The following CCDC60 variants were observed in gnomAD, a reference collection of about 807,000 sequenced individuals.
The protein encoded by CCDC60 is coiled-coil domain containing 60.
Under a neutral mutation model 63.5 loss-of-function variants are expected in CCDC60, and 54 were observed. The ratio of observed to expected loss-of-function variants is 0.85; its 90% CI spans 0.68 to 1.07. The LOEUF is 1.07. Among genes scored for constraint, CCDC60 ranks in the 50% least tolerant of loss-of-function variants. The pLI, the probability that CCDC60 is intolerant of heterozygous loss-of-function variation, is 0.00. For synonymous variants in CCDC60, 206 were observed against 238.8 expected (o/e 0.86, Z 1.27); for missense variants, 651 against 684.3 (o/e 0.95, Z 0.54).
At chr12:119,362,446 GTAACCAGTATTC>G (rs1485488559) in intron 1 of CCDC60, among the ~76,000 whole-genome samples, 1 of 152,046 alleles carries the variant, frequency 6.6e-6, no homozygotes, top group East Asian at 1.9e-4. Flanking sequence ...CACCACAGAT[GTAACCAGTATTC>G]TAACTTACAA....
At chr12:119,493,566 A>G (rs1951644300) in intron 5 of CCDC60, among the ~76,000 whole-genome samples, 1 of 152,168 alleles carries the variant, frequency 6.6e-6, no homozygotes, top group South Asian at 2.1e-4. Context: ...TCCCAATTTC[A>G]TCATGTGGCA....
chr12:119,491,520 G>T (rs970809713), intron 5 of CCDC60, among the ~76,000 whole-genome samples: 1 of 152,054 alleles, frequency 6.6e-6, no homozygotes, highest in Non-Finnish European at 1.5e-5. Flanking sequence ...AGTGGAGACA[G>T]GGTTTCACCA....
intron 2 of CCDC60, among the ~76,000 whole-genome samples, chr12:119,459,532 T>G (rs1232272334): frequency 6.6e-6 from 1 of 152,200 alleles, no homozygotes; most frequent in Non-Finnish European, 1.5e-5. Flanking sequence ...GCCACAAGAT[T>G]AGAAATTATG....
At chr12:119,477,859 A>T (rs528438693) in intron 3 of CCDC60, among the ~76,000 whole-genome samples, 1 of 152,050 alleles carries the variant, frequency 6.6e-6, no homozygotes, top group Non-Finnish European at 1.5e-5. Flanking sequence ...TTTATGTGAC[A>T]TCTCCCAATT....
At chr12:119,425,593 G>C (rs1233325298) in intron 1 of CCDC60, among the ~76,000 whole-genome samples, 1 of 152,162 alleles carries the variant, frequency 6.6e-6, no homozygotes, top group Non-Finnish European at 1.5e-5. Flanking sequence ...GTTCAACAAG[G>C]CACCGTGGAA....
intron 13 of CCDC60, 39 bp downstream of exon 13, chr12:119,531,102 G>A: frequency 1.3e-6 from 2 of 1,566,028 alleles, no homozygotes; most frequent in South Asian, 1.1e-5. Flanking sequence ...TGTTTCAGGT[G>A]TCCTCATTCA....
chr12:119,485,032 C>T (rs563820762), intron 4 of CCDC60, among the ~76,000 whole-genome samples: 26 of 152,236 alleles, frequency 1.7e-4, no homozygotes, highest in Admixed American at 7.8e-4. Context: ...GGAAGGCTTC[C>T]GGATGGAGAT....
intron 3 of CCDC60, among the ~76,000 whole-genome samples, chr12:119,477,677 G>A (rs1951204377): frequency 6.6e-6 from 1 of 152,194 alleles, no homozygotes; most frequent in African/African-American, 2.4e-5. Context: ...ACAGGCAGAT[G>A]GCATGAATTA....
At chr12:119,491,102 A>C (rs1951570783) in intron 5 of CCDC60, among the ~76,000 whole-genome samples, 1 of 152,234 alleles carries the variant, frequency 6.6e-6, no homozygotes, top group Admixed American at 6.5e-5. Context: ...TCATATCTGC[A>C]TATTGTTCTC....
intron 6 of CCDC60, among the ~76,000 whole-genome samples, chr12:119,502,806 A>G (rs1951888179): frequency 6.6e-6 from 1 of 152,044 alleles, no homozygotes; most frequent in Non-Finnish European, 1.5e-5. Context: ...AGGTACCCTG[A>G]CTCTGACTCC....
chr12:119,381,054 C>G (rs1332912354), intron 1 of CCDC60, among the ~76,000 whole-genome samples: 1 of 152,182 alleles, frequency 6.6e-6, no homozygotes, highest in Non-Finnish European at 1.5e-5. Context: ...CAGACGTACC[C>G]TAGATCAGGC....
At chr12:119,494,911 G>A (rs1951685652) in intron 5 of CCDC60, among the ~76,000 whole-genome samples, 1 of 152,204 alleles carries the variant, frequency 6.6e-6, no homozygotes, top group East Asian at 1.9e-4. Flanking sequence ...AACCTGGGAG[G>A]TGGAAGTTGC....
chr12:119,385,003 C>T (rs964739782), intron 1 of CCDC60, among the ~76,000 whole-genome samples: 1 of 152,258 alleles, frequency 6.6e-6, no homozygotes, highest in African/African-American at 2.4e-5. Context: ...GGGCTGCATT[C>T]ATTTGGAGAG....
rs758405385 is a variant in CCDC60 at position 119,522,953 on chromosome 12, G to GTACAAGTGCAGAAAGCCACATCC, written c.1056_1078dup (p.Gln360LeufsTer35). ...TTGTGTTTCAGTGAGAGATCCAGCA[G>GTACAAGTGCAGAAAGCCACATCC]TACAAGTGCAGAAAGCCACATCCAA... On this transcript the variant is annotated frameshift_variant, in exon 10 of 14. Transcript: ENST00000327554. LOFTEE classifies it high-confidence loss of function. 2.5e-5 allele frequency: 40 copies of GTACAAGTGCAGAAAGCCACATCC among 1,614,194 alleles called. No individual in the cohort carries two copies. Among genetic ancestry groups the GTACAAGTGCAGAAAGCCACATCC allele is most frequent in the Non-Finnish European group, 3.1e-5 (36 of 1,180,012 alleles).
intron 7 of CCDC60, among the ~76,000 whole-genome samples, chr12:119,513,624 A>G (rs1952272822): frequency 6.6e-6 from 1 of 152,166 alleles, no homozygotes; most frequent in Non-Finnish European, 1.5e-5. Context: ...AACTACAATC[A>G]CGTGTCACAT....
chr12:119,515,835 GC>G lies in CCDC60; in HGVS notation c.884-787del, dbSNP rs1952339094. On this transcript the variant is annotated intron_variant, in intron 7 of 13. Coordinates refer to ENST00000327554, the MANE Select transcript of CCDC60 (RefSeq NM_178499.5). ...GAAATCTTCCAGTGTTAAAAGATTGGCATCCACATGGAATCAAATAAAACAC... is the reference window on the plus strand; with the variant it reads ...GAAATCTTCCAGTGTTAAAAGATTGGATCCACATGGAATCAAATAAAACAC... Among the ~76,000 whole-genome samples, 12 of 152,272 alleles carry G rather than the reference GC, an allele frequency of 7.9e-5. No homozygotes were observed. In the South Asian group the frequency reaches 2.3e-3, roughly 29 times the overall value.
At chr12:119,350,251 G>A (rs182928529) in intron 1 of CCDC60, among the ~76,000 whole-genome samples, 19 of 152,044 alleles carry the variant, frequency 1.2e-4, no homozygotes, top group Non-Finnish European at 2.5e-4. Context: ...AGGCTGGAGT[G>A]CAGTAGCATG....
Position 119,337,246 on chromosome 12 carries a change from C to T in CCDC60, c.90+1980C>T, listed in dbSNP as rs151003720. Among the ~76,000 whole-genome samples the T allele has an allele frequency of 3.6e-3, 553 of 152,318 alleles. 6 individuals are homozygous for T. The highest frequency in any genetic ancestry group is 0.012 in the African/African-American group (511 of 41,562). On this transcript the variant is annotated intron_variant, in intron 1 of 13. Coordinates refer to ENST00000327554, the MANE Select transcript of CCDC60 (RefSeq NM_178499.5). Reference sequence around the variant, plus strand: ...GAAGGATGTTCAATCCAGAGCAGCCCGCTCTGGGACTGAACTTCCCAGCAT... The same window carrying T: ...GAAGGATGTTCAATCCAGAGCAGCCTGCTCTGGGACTGAACTTCCCAGCAT...
intron 1 of CCDC60, among the ~76,000 whole-genome samples, chr12:119,403,042 C>T (rs1239903499): frequency 6.6e-6 from 1 of 152,210 alleles, no homozygotes; most frequent in Non-Finnish European, 1.5e-5. Context: ...GATACATACT[C>T]TTCTTTCTTC....
Sources: allele counts gnomAD v4.1 joint callset (sites outside exome capture counted in the v4.1 genomes callset), GRCh38; gene constraint gnomAD v4.1.1; transcripts MANE v1.5; gene names NCBI Gene and HGNC (gene_info 2026-07-23, HGNC 2026-07-21).